Variants in ACAP2 observed in about 807,000 individuals in gnomAD.
ACAP2 encodes the protein arf-GAP with coiled-coil, ANK repeat and PH domain-containing protein 2.
A neutral mutation model predicts 115.8 loss-of-function variants in ACAP2; 39 were observed. The observed-to-expected ratio is 0.34, with a 90% CI of 0.26 to 0.44. ACAP2 has a LOEUF of 0.44. ACAP2 is among the 20% of genes least tolerant of loss of function. The probability of loss-of-function intolerance (pLI) is 1.00; values close to 1 mark genes in which losing one functional copy is unlikely to be tolerated. For synonymous variants in ACAP2, 289 were observed against 315.8 expected (o/e 0.92, Z 0.90); for missense variants, 662 against 927.6 (o/e 0.71, Z 3.72).
rs574141322 is a variant in ACAP2, at chr3:195,427,844, T to C, written c.53+14951A>G. ...ATCACTTGAGCCTGGGAGGTGGAAG[T>C]TGCAGTGAGACAAGATAACACCACT... On this transcript the variant is annotated intron_variant, in intron 1 of 22. Coordinates refer to ENST00000326793, the MANE Select transcript of ACAP2 (RefSeq NM_012287.6). 1.9e-4 allele frequency among the ~76,000 whole-genome samples: 29 copies of C among 152,048 alleles called. 1 individual carries two copies. Among genetic ancestry groups the C allele is most frequent in the South Asian group, 8.3e-4 (4 of 4,814 alleles).
intron 6 of ACAP2, among the ~76,000 whole-genome samples, chr3:195,339,385 C>T (rs1021117825): frequency 6.6e-6 from 1 of 151,538 alleles, no homozygotes; most frequent in Non-Finnish European, 1.5e-5. Context: ...TGTTAAAATG[C>T]CTGTTTGATA....
intron 22 of ACAP2, chr3:195,279,852 T>TC (rs1726373465): frequency 6.5e-6 from 1 of 152,676 alleles, no homozygotes; most frequent in African/African-American, 2.4e-5. Context: ...TGGATGCAAG[T>TC]TATTAACAAG....
intron 4 of ACAP2, among the ~76,000 whole-genome samples, chr3:195,347,432 C>CACACAT (rs1225804696): frequency 1.3e-5 from 2 of 152,206 alleles, no homozygotes; most frequent in African/African-American, 2.4e-5. Flanking sequence ...CAAAAGAAGT[C>CACACAT]ACACATACAC....
intron 1 of ACAP2, among the ~76,000 whole-genome samples, chr3:195,428,208 G>T (rs866769528): frequency 6.6e-6 from 1 of 150,710 alleles, no homozygotes; most frequent in Non-Finnish European, 1.5e-5. Context: ...TACATATATA[G>T]TCATAATTAT....
At chr3:195,442,722 G>A (rs1716113076) in intron 1 of ACAP2, 73 bp downstream of exon 1, 1 of 1,472,318 alleles carries the variant, frequency 6.8e-7, no homozygotes, top group Non-Finnish European at 9.1e-7. Context: ...CTCCGGGTGC[G>A]CGGGCCCGGC....
Position 195,333,095 on chromosome 3 carries a change from G to C in ACAP2, c.602C>G (p.Ala201Gly). 1 of 1,607,526 alleles carries C rather than the reference G, an allele frequency of 6.2e-7. No homozygotes were observed. The highest frequency in any genetic ancestry group is 8.5e-7 in the Non-Finnish European group (1 of 1,177,082). Residue 201 changes from alanine to glycine, a missense_variant, in exon 8 of 23, where the codon GCC becomes GGC. Ala to Gly is a moderately conservative substitution (Grantham distance 60). This residue lies in a region of ACAP2 where 401 missense variants were observed against 604.4 expected (regional missense o/e 0.66). Coordinates refer to ENST00000326793, the MANE Select transcript of ACAP2 (RefSeq NM_012287.6). ...SMLSFMYAHL[A>G]FFHQGYDLFS... is the part of the protein sequence containing the mutation. Reference sequence around the variant, plus strand: ...CAGATCATATCCTTGATGAAAGAAGGCCAAATGGGCATACATAAATGACAA... The same window carrying C: ...CAGATCATATCCTTGATGAAAGAAGCCCAAATGGGCATACATAAATGACAA...
intron 3 of ACAP2, 97 bp from the exon 4 acceptor site, chr3:195,381,159 T>A: frequency 1.2e-6 from 1 of 841,004 alleles, no homozygotes; most frequent in Non-Finnish European, 1.9e-6. Flanking sequence ...AAGATCAAGT[T>A]ACACTGTAAA....
intron 1 of ACAP2, among the ~76,000 whole-genome samples, chr3:195,411,585 A>G (rs1396669739): frequency 1.3e-5 from 2 of 152,348 alleles, no homozygotes; most frequent in East Asian, 3.9e-4. Context: ...TTTTCACATC[A>G]AAAGGCACAC....
rs886300075 is a variant in ACAP2 at position 195,275,566 on chromosome 3, C to T, written c.*3762G>A. 6 of 152,156 alleles carry T rather than the reference C, an allele frequency of 3.9e-5. No homozygotes were observed. The highest frequency in any genetic ancestry group is 2.1e-4 in the South Asian group (1 of 4,834). 9.4% of individuals were successfully genotyped at this position (152,156 alleles called of 1,614,324 possible). ...AAAGCTGGCATTCATTATCAGACTT[C>T]GCTGCTTTACAATGATTTCAAATCA... On this transcript the variant is annotated 3_prime_UTR_variant, in exon 23 of 23. Transcript: ENST00000326793.
chr3:195,342,650 G>T lies in ACAP2; in HGVS notation c.349C>A (p.Leu117Ile). ...AQLQNFVKEDLRKFKDAKKQF... is the reference protein window; with the variant it reads ...AQLQNFVKEDIRKFKDAKKQF... Reference sequence around the variant, plus strand: ...TTCTTGGCATCTTTGAATTTTCTAAGATCTCTAAGAAAAGAAAAACTTAGT... The same window carrying T: ...TTCTTGGCATCTTTGAATTTTCTAATATCTCTAAGAAAAGAAAAACTTAGT... Residue 117 changes from leucine (L) to isoleucine (I), a missense_variant, in exon 6 of 23, where the codon CTT becomes ATT. Transcript: ENST00000326793. 1 of 1,581,484 alleles carries T rather than the reference G, an allele frequency of 6.3e-7. No individual in the cohort carries two copies. The highest frequency in any genetic ancestry group is 8.5e-7 in the Non-Finnish European group (1 of 1,171,236).
At chr3:195,405,093 A>G (rs1435298348) in intron 1 of ACAP2, among the ~76,000 whole-genome samples, 1 of 151,706 alleles carries the variant, frequency 6.6e-6, no homozygotes, top group Non-Finnish European at 1.5e-5. Context: ...AGCCACCGCA[A>G]CCAGCCTATT....
chr3:195,423,234 A>T (rs929768397), intron 1 of ACAP2, among the ~76,000 whole-genome samples: 4 of 152,228 alleles, frequency 2.6e-5, no homozygotes, highest in African/African-American at 7.2e-5. Flanking sequence ...AGAGACACAC[A>T]TAAAGCAAAT....
intron 6 of ACAP2, among the ~76,000 whole-genome samples, chr3:195,339,623 G>A (rs1730739939): frequency 6.6e-6 from 1 of 151,816 alleles, no homozygotes. Context: ...ACTCTCTAAA[G>A]TAGACATAAA....
chr3:195,312,334 G>C (rs1728824355), intron 10 of ACAP2, among the ~76,000 whole-genome samples: 1 of 152,098 alleles, frequency 6.6e-6, no homozygotes, highest in Non-Finnish European at 1.5e-5. Flanking sequence ...ACAAAAAAAG[G>C]TAACGAACTG....
intron 1 of ACAP2, among the ~76,000 whole-genome samples, chr3:195,420,086 T>C (rs987420251): frequency 5.3e-5 from 8 of 152,210 alleles, no homozygotes; most frequent in Non-Finnish European, 1.2e-4. Flanking sequence ...CGAGTCTTCA[T>C]GTAACAGATA....
intron 1 of ACAP2, among the ~76,000 whole-genome samples, chr3:195,424,285 T>TATATATA (rs1714478082): frequency 3.2e-4 from 4 of 12,534 alleles, no homozygotes; most frequent in Non-Finnish European, 4.9e-4. Context: ...ATATATATAT[T>TATATATA]TTTTTTTTTT....
At chr3:195,312,890 G>A (rs754234420) in intron 10 of ACAP2, 2 of 152,094 alleles carry the variant, frequency 1.3e-5, no homozygotes, top group Admixed American at 6.6e-5. Context: ...GAGCTTTCTC[G>A]TGCCAAAAAG....
At chr3:195,290,829 TA>T (rs1727190609) in intron 20 of ACAP2, among the ~76,000 whole-genome samples, 1 of 125,120 alleles carries the variant, frequency 8.0e-6, no homozygotes, top group Admixed American at 8.6e-5. Flanking sequence ...AATAAATAAA[TA>T]AATAAATAAA....
chr3:195,358,950 A>G (rs1560283846), intron 4 of ACAP2, among the ~76,000 whole-genome samples: 1 of 152,200 alleles, frequency 6.6e-6, no homozygotes, highest in East Asian at 1.9e-4. Flanking sequence ...GAAAAGAAAC[A>G]ATACAATGGA....
Sources: gnomAD v4.1 joint callset for allele counts (sites outside exome capture counted in the v4.1 genomes callset) on GRCh38, gnomAD v4.1.1 for gene constraint, gnomAD v4.1.1 regional missense constraint, MANE v1.5 for transcripts, NCBI Gene and HGNC (gene_info 2026-07-23, HGNC 2026-07-21) for gene names.